The following COL9A1 variants were observed in gnomAD, a reference collection of about 807,000 sequenced individuals.
The protein encoded by COL9A1 is collagen alpha-1(IX) chain.
In COL9A1, 104 loss-of-function variants were observed where a neutral mutation model predicts 142.6. That is an observed-to-expected ratio of 0.73 (90% CI 0.62 to 0.86). COL9A1 has a LOEUF of 0.86. Among genes scored for constraint, COL9A1 ranks in the 40% least tolerant of loss-of-function variants. The pLI is 0.00. For missense variants in COL9A1, 1,210 were observed against 1,176.6 expected, an observed-to-expected ratio of 1.03 and a Z score of -0.42; for synonymous variants, 466 against 396.0, an observed-to-expected ratio of 1.18 and a Z score of -2.10.
chr6:70,256,604 G>A (rs562364605), intron 21 of COL9A1, among the ~76,000 whole-genome samples, 164 bp downstream of exon 21: 12 of 151,806 alleles, frequency 7.9e-5, no homozygotes, highest in South Asian at 2.1e-4. Context: ...CTATGTACCC[G>A]AGAAAGATAC....
At chr6:70,270,462 A>G in intron 14 of COL9A1, 95 bp from the exon 15 acceptor site, 2 of 1,156,026 alleles carry the variant, frequency 1.7e-6, no homozygotes, top group Admixed American at 4.2e-5. Flanking sequence ...ATTACTGGAA[A>G]CCCCCACCGA....
At chr6:70,298,381 G>A (rs1773929024) in intron 4 of COL9A1, among the ~76,000 whole-genome samples, 1 of 152,176 alleles carries the variant, frequency 6.6e-6, no homozygotes, top group Non-Finnish European at 1.5e-5. Context: ...AAACTTTACT[G>A]TTTACTTGGA....
intron 20 of COL9A1, among the ~76,000 whole-genome samples, chr6:70,259,405 A>C (rs914282656): frequency 6.6e-6 from 1 of 152,188 alleles, no homozygotes; most frequent in Admixed American, 6.5e-5. Context: ...CCTATAAATT[A>C]ACTTTCCTAA....
At chr6:70,262,487 G>A (rs1771752625) in intron 19 of COL9A1, among the ~76,000 whole-genome samples, 1 of 152,160 alleles carries the variant, frequency 6.6e-6, no homozygotes, top group African/African-American at 2.4e-5. Flanking sequence ...TGGTGTTCCT[G>A]TGTTTGTCTT....
intron 1 of COL9A1, 26 bp downstream of exon 1, chr6:70,302,885 C>G (rs1337547348): frequency 6.2e-7 from 1 of 1,613,772 alleles, no homozygotes; most frequent in South Asian, 1.1e-5. Flanking sequence ...ATCTCCCCAC[C>G]ACTCTTTCCA....
At chr6:70,282,442 A>C (rs1773221950) in intron 7 of COL9A1, among the ~76,000 whole-genome samples, 1 of 152,106 alleles carries the variant, frequency 6.6e-6, no homozygotes, top group Non-Finnish European at 1.5e-5. Flanking sequence ...TCCGTCCCGG[A>C]GCCGCCAGCA....
intron 33 of COL9A1, among the ~76,000 whole-genome samples, chr6:70,238,192 G>A (rs1770033571): frequency 6.6e-6 from 1 of 152,158 alleles, no homozygotes; most frequent in African/African-American, 2.4e-5. Context: ...ATGCTGGACA[G>A]GGACAGAGAA....
intron 25 of COL9A1, among the ~76,000 whole-genome samples, chr6:70,253,782 C>T (rs1163569183): frequency 2.0e-5 from 3 of 152,148 alleles, no homozygotes; most frequent in Admixed American, 1.3e-4. Flanking sequence ...AGGGATGTGA[C>T]ATGGTTTCAT....
At chr6:70,302,548 C>A (rs780535412) in intron 1 of COL9A1, among the ~76,000 whole-genome samples, 7 of 152,084 alleles carry the variant, frequency 4.6e-5, no homozygotes, top group Non-Finnish European at 1.0e-4. Context: ...ATGTAAGGAA[C>A]TCATGTTTCC....
chr6:70,256,668 C>T, intron 21 of COL9A1, 100 bp downstream of exon 21: 1 of 897,810 alleles, frequency 1.1e-6, no homozygotes, highest in Non-Finnish European at 1.7e-6. Context: ...TCCACTTTTC[C>T]ACTTTAATTA....
In COL9A1 at chr6:70,219,551, C is replaced by T. The variant is rs200327588; in HGVS notation, c.2582-2470G>A. Reference sequence around the variant, plus strand: ...AACAAGCCTGGATTAAGAAATTCCCCCACTGTTTTTACCAGATGAAAACGT... The same window carrying T: ...AACAAGCCTGGATTAAGAAATTCCCTCACTGTTTTTACCAGATGAAAACGT... On this transcript the variant is annotated intron_variant, in intron 37 of 37. Transcript: ENST00000357250. Among the ~76,000 whole-genome samples, 17 of 152,290 alleles carry T rather than the reference C, an allele frequency of 1.1e-4. No individual in the cohort carries two copies. The East Asian group carries it at 3.3e-3, about 29-fold the overall frequency.
intron 5 of COL9A1, among the ~76,000 whole-genome samples, chr6:70,293,501 A>G (rs904990121): frequency 2.6e-5 from 4 of 151,982 alleles, no homozygotes; most frequent in African/African-American, 4.8e-5. Flanking sequence ...TGCAAGACCT[A>G]CTTCTAAATA....
chr6:70,267,126 C>T (rs983186945), intron 17 of COL9A1, among the ~76,000 whole-genome samples: 6 of 152,146 alleles, frequency 3.9e-5, no homozygotes, highest in Non-Finnish European at 5.9e-5. Context: ...GTAACTTAAC[C>T]TTTCAGAAGT....
At chr6:70,242,346 TA>T (rs914652339) in intron 29 of COL9A1, among the ~76,000 whole-genome samples, 2 of 152,150 alleles carry the variant, frequency 1.3e-5, no homozygotes, top group African/African-American at 4.8e-5. Flanking sequence ...TCTAGCTATG[TA>T]AACAAGCACT....
intron 17 of COL9A1, among the ~76,000 whole-genome samples, chr6:70,267,319 G>GTTTTTT (rs1050364230): frequency 1.9e-4 from 19 of 99,696 alleles, no homozygotes; most frequent in African/African-American, 4.5e-4. Context: ...TGTTTGTTTG[G>GTTTTTT]TTTTTTTGTT....
chr6:70,277,844 C>T (rs956383175), intron 10 of COL9A1, among the ~76,000 whole-genome samples: 2 of 152,196 alleles, frequency 1.3e-5, no homozygotes, highest in South Asian at 2.1e-4. Flanking sequence ...GAGCAGAAGA[C>T]GAAATGATTC....
chr6:70,232,504 T>G, intron 36 of COL9A1, 79 bp downstream of exon 36: 1 of 1,496,340 alleles, frequency 6.7e-7, no homozygotes, highest in South Asian at 1.1e-5. Context: ...TGGTAAAACA[T>G]AAATTCCTCG....
At chr6:70,301,879 G>A (rs1223284119) in intron 2 of COL9A1, 122 bp downstream of exon 2, 2 of 798,642 alleles carry the variant, frequency 2.5e-6, no homozygotes, top group East Asian at 5.3e-5. Context: ...CCCAAAGCTG[G>A]ATTGAAGAGT....
At chr6:70,221,408 A>G (rs1200566) in intron 37 of COL9A1, among the ~76,000 whole-genome samples, 16,625 of 152,250 alleles carry the variant, frequency 0.11, 1,502 homozygotes, top group African/African-American at 0.25. Flanking sequence ...TTAAGGAATT[A>G]TAAACTGGTT....
Sources: allele counts gnomAD v4.1 joint callset (sites outside exome capture counted in the v4.1 genomes callset), GRCh38; gene constraint gnomAD v4.1.1; transcripts MANE v1.5; gene names NCBI Gene and HGNC (gene_info 2026-07-23, HGNC 2026-07-21).